SNHG17: variants seen among roughly 807,000 people sequenced by gnomAD.
The protein encoded by SNHG17 is small nucleolar RNA host gene 17, also known as small nucleolar RNA host gene 17 (non-protein coding).
intron 1 of SNHG17, chr20:38,435,108 G>T (rs1365545379): frequency 8.1e-7 from 1 of 1,232,194 alleles, no homozygotes; most frequent in African/African-American, 1.6e-5. Flanking sequence ...CCAAGGACAG[G>T]GCCTGACCTC....
rs1555851342 is a variant in SNHG17, at chr20:38,426,995, T to TACACATAC, written n.381-493_381-492insGTATGTGT. 3.7e-4 allele frequency among the ~76,000 whole-genome samples: 46 copies of TACACATAC among 125,648 alleles called. 1 individual carries two copies. Among genetic ancestry groups the TACACATAC allele is most frequent in the Middle Eastern group, 4.1e-3 (1 of 242 alleles). 82.4% of individuals were successfully genotyped at this position (125,648 alleles called of 152,430 possible). A position where few individuals can be genotyped will look rare whatever the true frequency, so the allele number is the denominator to read the frequency against. On this transcript the variant is annotated intron_variant and non_coding_transcript_variant, in intron 3 of 8. Coordinates refer to ENST00000654008, the Ensembl canonical transcript of SNHG17. ...CCCTATCCTGTCCCCAAGTTACACA[T>TACACATAC]ACACACACACACACACACACACACA... is the stretch of plus-strand genomic sequence containing the variant.
intron 3 of SNHG17, chr20:38,429,906 A>G: frequency 2.2e-6 from 1 of 454,864 alleles, no homozygotes; most frequent in Non-Finnish European, 4.2e-6. Flanking sequence ...GAGCAGACTT[A>G]CAGCCTAAGA....
chr20:38,430,488 G>A (rs2084324525), intron 3 of SNHG17, among the ~76,000 whole-genome samples: 1 of 152,032 alleles, frequency 6.6e-6, no homozygotes, highest in African/African-American at 2.4e-5. Flanking sequence ...GGACATGGTG[G>A]CGGGCACCTG....
At chr20:38,426,219 G>A in intron 4 of SNHG17, among the ~76,000 whole-genome samples, 1 of 151,986 alleles carries the variant, frequency 6.6e-6, no homozygotes, top group East Asian at 1.9e-4. Flanking sequence ...AGCCCAAGGG[G>A]AGCTCTGTAA....
intron 2 of SNHG17, among the ~76,000 whole-genome samples, chr20:38,431,537 C>G (rs2084341904): frequency 6.6e-6 from 1 of 152,104 alleles, no homozygotes; most frequent in Non-Finnish European, 1.5e-5. Context: ...GGAACCTGCC[C>G]CAACCAGGAG....
chr20:38,423,092 C>CAA (rs760496901), intron 5 of SNHG17, among the ~76,000 whole-genome samples: 2 of 136,772 alleles, frequency 1.5e-5, no homozygotes, highest in South Asian at 2.4e-4. Flanking sequence ...AACTCCATCT[C>CAA]AAAAAAAAAA....
At chr20:38,434,944 C>G in intron 1 of SNHG17, 1 of 1,227,410 alleles carries the variant, frequency 8.1e-7, no homozygotes, top group Non-Finnish European at 1.0e-6. Flanking sequence ...ACTAAGCCTC[C>G]CCGCAGAGTA....
chr20:38,423,637 G>A (rs1031848374), intron 5 of SNHG17, among the ~76,000 whole-genome samples: 5 of 150,946 alleles, frequency 3.3e-5, no homozygotes, highest in Non-Finnish European at 7.4e-5. Flanking sequence ...ATAGGGAGAT[G>A]TAGGCCAAAG....
chr20:38,423,858 A>T (rs1240412509), intron 5 of SNHG17, among the ~76,000 whole-genome samples: 1 of 152,150 alleles, frequency 6.6e-6, no homozygotes, highest in East Asian at 1.9e-4. Flanking sequence ...TGTAAACTCA[A>T]ATATAGACAA....
exon 8 of SNHG17, chr20:38,420,747 C>G (rs748483310): frequency 6.6e-6 from 1 of 152,242 alleles, no homozygotes; most frequent in Non-Finnish European, 1.5e-5. Context: ...CAGCTGAAGT[C>G]TCCCATGTCT....
intron 6 of SNHG17, chr20:38,421,633 G>A (rs2084157765): frequency 6.6e-6 from 1 of 152,258 alleles, no homozygotes. Flanking sequence ...AGCCTAGTTG[G>A]AAAAAGGCTG....
chr20:38,421,108 T>A (rs552154008), intron 6 of SNHG17: 3 of 152,024 alleles, frequency 2.0e-5, no homozygotes, highest in Admixed American at 6.6e-5. Context: ...CCTAAGAGGG[T>A]AAGAAAGCAT....
intron 5 of SNHG17, among the ~76,000 whole-genome samples, chr20:38,423,515 A>G (rs1305682399): frequency 2.1e-5 from 3 of 139,708 alleles, no homozygotes; most frequent in Non-Finnish European, 4.8e-5. Context: ...CTAGACACAG[A>G]CAAACAGTGC....
exon 6 of SNHG17, chr20:38,422,110 G>C (rs1400358758): frequency 1.3e-5 from 2 of 152,320 alleles, no homozygotes; most frequent in African/African-American, 4.8e-5. Flanking sequence ...ATTTCCGGAG[G>C]CTCTTCCTCT....
At chr20:38,429,576 C>T (rs2084305934) in intron 3 of SNHG17, 1 of 382,722 alleles carries the variant, frequency 2.6e-6, no homozygotes, top group East Asian at 7.9e-5. Flanking sequence ...TCATGTCTCA[C>T]AATAACTGCC....
intron 2 of SNHG17, chr20:38,431,981 C>G: frequency 1.0e-6 from 1 of 985,364 alleles, no homozygotes; most frequent in Non-Finnish European, 1.2e-6. Flanking sequence ...CCCCAGATCT[C>G]CAGAGGACAG....
intron 3 of SNHG17, chr20:38,429,531 C>G: frequency 3.3e-6 from 1 of 299,802 alleles, no homozygotes; most frequent in Non-Finnish European, 6.4e-6. Context: ...CCCTTCTGCT[C>G]CATGAGGCCA....
chr20:38,427,204 T>C, intron 3 of SNHG17: 2 of 336,562 alleles, frequency 5.9e-6, no homozygotes, highest in South Asian at 2.5e-5. Flanking sequence ...CAAAGAGAGG[T>C]CAAGCTGAGA....
At chr20:38,421,745 G>T (rs1322105233) in intron 6 of SNHG17, 2 of 152,320 alleles carry the variant, frequency 1.3e-5, no homozygotes, top group Non-Finnish European at 2.9e-5. Flanking sequence ...TCGGGACACA[G>T]GCAACCCATG....
Sources: gnomAD v4.1 joint callset for allele counts (sites outside exome capture counted in the v4.1 genomes callset) on GRCh38, gnomAD v4.1.1 for gene constraint, MANE v1.5 for transcripts, NCBI Gene and HGNC (gene_info 2026-07-23, HGNC 2026-07-21) for gene names.